COL5A2: variants seen among roughly 807,000 people sequenced by gnomAD.
COL5A2 encodes collagen alpha-2(V) chain.
A neutral mutation model predicts 208.2 loss-of-function variants in COL5A2; 23 were observed. The observed-to-expected ratio is 0.11, with a 90% CI of 0.08 to 0.16. The LOEUF is 0.16. Among genes scored for constraint, COL5A2 ranks in the 10% least tolerant of loss-of-function variants. The pLI is 1.00. For synonymous variants in COL5A2, 625 were observed against 628.5 expected (o/e 0.99, Z 0.08); for missense variants, 1,590 against 1,956.4 (o/e 0.81, Z 3.53).
the COL5A2 span, among the ~76,000 whole-genome samples, chr2:189,382,580 T>C: frequency 6.6e-6 from 1 of 152,202 alleles, no homozygotes; most frequent in African/African-American, 2.4e-5. Flanking sequence ...TATAATTATC[T>C]TCTATTCAGC....
At chr2:189,119,931 T>C (rs1338916728) in intron 1 of COL5A2, among the ~76,000 whole-genome samples, 3 of 152,002 alleles carry the variant, frequency 2.0e-5, no homozygotes, top group Non-Finnish European at 2.9e-5. Flanking sequence ...TGTTAACATA[T>C]AGAAAAAGAT....
chr2:189,421,054 A>T, the COL5A2 span, among the ~76,000 whole-genome samples: 2 of 152,208 alleles, frequency 1.3e-5, no homozygotes, highest in Non-Finnish European at 2.9e-5. Context: ...AATTTATTTT[A>T]AAAAGAGAGT....
At chr2:189,412,869 C>T in the COL5A2 span, among the ~76,000 whole-genome samples, 21,584 of 152,126 alleles carry the variant, frequency 0.14, 1,961 homozygotes, top group South Asian at 0.21. Flanking sequence ...CAAGAATTAT[C>T]ATATAATTGG....
chr2:189,043,293 T>C (rs1685598058), intron 47 of COL5A2, 35 bp from the exon 48 acceptor site: 1 of 1,462,806 alleles, frequency 6.8e-7, no homozygotes. Context: ...AATTACTTGC[T>C]ACATATTATT....
rs923354313 is a variant in COL5A2, at chr2:189,210,951, AT to A, written c.-42+14196del. Among the ~76,000 whole-genome samples, 30 of 151,666 alleles carry A rather than the reference AT, an allele frequency of 2.0e-4. No homozygotes were observed. The East Asian group carries it at 2.3e-3, about 12-fold the overall frequency. On this transcript the variant is annotated intron_variant, in intron 1 of 10. Transcript: ENST00000649966. ...ATGACTGCTAACTGATTTCCCCAGG[AT>A]TTTTTTTTAACTGTAGCTGCTAATA...
At chr2:189,368,763 C>A in the COL5A2 span, among the ~76,000 whole-genome samples, 5 of 152,122 alleles carry the variant, frequency 3.3e-5, no homozygotes, top group African/African-American at 1.2e-4. Context: ...TTTGCCACAG[C>A]CAAGACTTTC....
chr2:189,104,163 A>C, intron 3 of COL5A2, 101 bp downstream of exon 3: 1 of 857,358 alleles, frequency 1.2e-6, no homozygotes, highest in Non-Finnish European at 2.0e-6. Flanking sequence ...GGTACTTTGT[A>C]CTTTTCAAAA....
chr2:189,046,863 G>T (rs1276901524), intron 45 of COL5A2, among the ~76,000 whole-genome samples: 2 of 151,834 alleles, frequency 1.3e-5, no homozygotes, highest in African/African-American at 4.8e-5. Flanking sequence ...CACAAAGTGG[G>T]CTGTAATCCC....
the COL5A2 span, among the ~76,000 whole-genome samples, chr2:189,327,314 G>A: frequency 6.6e-6 from 1 of 152,140 alleles, no homozygotes; most frequent in East Asian, 1.9e-4. Context: ...ATGTCTGTAT[G>A]AATGTTTTTA....
At chr2:189,320,688 G>C in the COL5A2 span, among the ~76,000 whole-genome samples, 2 of 152,240 alleles carry the variant, frequency 1.3e-5, no homozygotes, top group African/African-American at 4.8e-5. Context: ...ATCTACGTCT[G>C]ATTGGTGTAC....
At chr2:189,232,051 G>A in the COL5A2 span, among the ~76,000 whole-genome samples, 3 of 151,720 alleles carry the variant, frequency 2.0e-5, no homozygotes, top group African/African-American at 7.2e-5. Flanking sequence ...TTCCTTGGTG[G>A]AAGAGGAGAC....
intron 1 of COL5A2, among the ~76,000 whole-genome samples, chr2:189,114,222 C>G (rs775265490): frequency 7.2e-5 from 11 of 152,154 alleles, no homozygotes; most frequent in Non-Finnish European, 1.5e-4. Flanking sequence ...AGAATCCATA[C>G]ACATCACAGA....
intron 13 of COL5A2, among the ~76,000 whole-genome samples, 194 bp downstream of exon 13, chr2:189,080,796 C>A (rs1004690867): frequency 4.6e-5 from 7 of 152,106 alleles, no homozygotes; most frequent in African/African-American, 1.7e-4. Flanking sequence ...AAATATATTT[C>A]TTTATCAAAT....
chr2:189,187,136 C>T (rs1688863157), intron 1 of COL5A2, among the ~76,000 whole-genome samples: 1 of 152,084 alleles, frequency 6.6e-6, no homozygotes, highest in Admixed American at 6.5e-5. Flanking sequence ...TCTCTTTACA[C>T]ACTATTCCAG....
chr2:189,172,582 C>CCT, intron 1 of COL5A2, among the ~76,000 whole-genome samples: 1 of 151,928 alleles, frequency 6.6e-6, no homozygotes, highest in East Asian at 1.9e-4. Flanking sequence ...GGTTAAGGAC[C>CCT]CTCTGCAGGT....
the COL5A2 span, among the ~76,000 whole-genome samples, chr2:189,434,282 C>T: frequency 5.3e-5 from 8 of 152,240 alleles, no homozygotes; most frequent in Non-Finnish European, 1.2e-4. Context: ...GACAGGGATG[C>T]CCTCTCTCAC....
intron 1 of COL5A2, among the ~76,000 whole-genome samples, chr2:189,202,103 A>T (rs1689086678): frequency 6.6e-6 from 1 of 151,844 alleles, no homozygotes. Context: ...TTAGGCTGTT[A>T]ATTTTAATAT....
the COL5A2 span, among the ~76,000 whole-genome samples, chr2:189,423,432 AT>A: frequency 2.6e-5 from 4 of 152,004 alleles, no homozygotes; most frequent in African/African-American, 9.7e-5. Context: ...ATAATAGGAA[AT>A]TTTTTTAATG....
chr2:189,255,408 G>T, the COL5A2 span, among the ~76,000 whole-genome samples: 1 of 152,024 alleles, frequency 6.6e-6, no homozygotes, highest in Non-Finnish European at 1.5e-5. Context: ...CATCCAAATG[G>T]CAACCTTATT....
Sources: allele counts gnomAD v4.1 joint callset (sites outside exome capture counted in the v4.1 genomes callset), GRCh38; gene constraint gnomAD v4.1.1; transcripts MANE v1.5; gene names NCBI Gene and HGNC (gene_info 2026-07-23, HGNC 2026-07-21).